SPON1: variants seen among roughly 807,000 people sequenced by gnomAD.
The protein encoded by SPON1 is spondin 1.
SPON1 carries 52 observed loss-of-function variants against 111.7 expected under a neutral mutation model. The observed-to-expected ratio is 0.47, with a 90% CI of 0.37 to 0.59. SPON1 has a LOEUF of 0.59. Ranked by LOEUF, SPON1 falls within the 20% of genes least tolerant of loss-of-function variation. The pLI is 0.00. For synonymous variants in SPON1, 410 were observed against 395.8 expected (o/e 1.04, Z -0.43); for missense variants, 957 against 1,068.5 (o/e 0.90, Z 1.46).
At chr11:14,211,930 G>A (rs570616036) in intron 6 of SPON1, among the ~76,000 whole-genome samples, 3 of 151,358 alleles carry the variant, frequency 2.0e-5, no homozygotes, top group Admixed American at 2.0e-4. Context: ...TTATTTTCAG[G>A]GGCCAATTTT....
chr11:14,175,514 A>G (rs1475735529), intron 6 of SPON1, among the ~76,000 whole-genome samples: 1 of 152,156 alleles, frequency 6.6e-6, no homozygotes, highest in Non-Finnish European at 1.5e-5. Flanking sequence ...TGTCTCCATT[A>G]CAGAACACAG....
At chr11:14,236,529 G>A (rs782046028) in intron 6 of SPON1, among the ~76,000 whole-genome samples, 11 of 152,274 alleles carry the variant, frequency 7.2e-5, no homozygotes, top group Non-Finnish European at 1.5e-4. Flanking sequence ...AGGCTAGTTT[G>A]CAATAGAAGA....
At chr11:14,020,303 G>A (rs568942685) in intron 2 of SPON1, among the ~76,000 whole-genome samples, 1 of 152,188 alleles carries the variant, frequency 6.6e-6, no homozygotes. Flanking sequence ...AGAGCTGGGG[G>A]AGAGGCAAGT....
intron 6 of SPON1, among the ~76,000 whole-genome samples, chr11:14,153,828 C>G (rs1338189258): frequency 6.6e-6 from 1 of 152,170 alleles, no homozygotes; most frequent in Admixed American, 6.5e-5. Flanking sequence ...TTCCAAGATA[C>G]AATGAGGGTA....
At chr11:14,128,903 A>T (rs1168529034) in intron 5 of SPON1, among the ~76,000 whole-genome samples, 3 of 152,236 alleles carry the variant, frequency 2.0e-5, no homozygotes, top group Non-Finnish European at 4.4e-5. Flanking sequence ...CTCTAAAGCA[A>T]TGGCTCGAGC....
chr11:14,091,152 C>T (rs1378922955), intron 5 of SPON1, among the ~76,000 whole-genome samples: 1 of 152,142 alleles, frequency 6.6e-6, no homozygotes, highest in Admixed American at 6.5e-5. Context: ...TCGATTGGTG[C>T]ACTCACAAAC....
intron 6 of SPON1, among the ~76,000 whole-genome samples, chr11:14,167,462 T>C (rs1848043263): frequency 6.6e-6 from 1 of 152,020 alleles, no homozygotes; most frequent in Non-Finnish European, 1.5e-5. Flanking sequence ...AATTTGTCTC[T>C]TCTCTCTCCT....
chr11:14,134,104 T>A (rs1847563476), intron 5 of SPON1, among the ~76,000 whole-genome samples: 1 of 151,446 alleles, frequency 6.6e-6, no homozygotes, highest in African/African-American at 2.4e-5. Context: ...GGGTGAAGAG[T>A]TCTGCCCACT....
chr11:14,004,868 A>G (rs1848347103), intron 2 of SPON1, among the ~76,000 whole-genome samples: 1 of 151,966 alleles, frequency 6.6e-6, no homozygotes, highest in African/African-American at 2.4e-5. Context: ...GTGCAGTGGC[A>G]TAATAATAGC....
chr11:14,097,488 G>A (rs762061684), intron 5 of SPON1, among the ~76,000 whole-genome samples: 22 of 152,068 alleles, frequency 1.4e-4, no homozygotes, highest in South Asian at 6.2e-4. Context: ...TTTTCATTAC[G>A]TTTTCTATCA....
intron 6 of SPON1, among the ~76,000 whole-genome samples, chr11:14,199,593 T>C (rs913981659): frequency 6.6e-6 from 1 of 152,186 alleles, no homozygotes; most frequent in Non-Finnish European, 1.5e-5. Flanking sequence ...CCATGTTCCA[T>C]ACTATAACTA....
At position 14,160,917 on chromosome 11, in the gene SPON1, T is replaced by TTATATATATTTA. The variant is rs797029036; in HGVS notation, c.825+25356_825+25357insATTTATATATAT. 9.6e-5 allele frequency among the ~76,000 whole-genome samples: 4 copies of TTATATATATTTA among 41,518 alleles called. 1 individual carries two copies. The highest frequency in any genetic ancestry group is 1.6e-4 in the Non-Finnish European group (4 of 25,526). The allele number at this position is 41,518 out of a possible 152,430, so 27.2% of individuals were successfully genotyped here. A position where few individuals can be genotyped will look rare whatever the true frequency, so the allele number is the denominator to read the frequency against. ...TATATTTATATATTTATATATATATTTATATATTTATATATTTATATATAT... is the reference window on the plus strand; with the variant it reads ...TATATTTATATATTTATATATATATTTATATATATTTATATATATTTATATATTTATATATAT... On this transcript the variant is annotated intron_variant, in intron 6 of 15. Coordinates refer to ENST00000576479, the MANE Select transcript of SPON1 (RefSeq NM_006108.4).
At chr11:14,248,736 C>A (rs1279233309) in intron 7 of SPON1, among the ~76,000 whole-genome samples, 1 of 152,160 alleles carries the variant, frequency 6.6e-6, no homozygotes, top group African/African-American at 2.4e-5. Context: ...TCCCTCGCCG[C>A]CCAGTGGAAA....
At position 13,968,435 on chromosome 11, in the gene SPON1, T is replaced by C. The variant is rs551588225; in HGVS notation, c.238+5293T>C. 2.0e-5 allele frequency among the ~76,000 whole-genome samples: 3 copies of C among 152,372 alleles called. No individual in the cohort carries two copies. The East Asian group carries it at 5.8e-4, about 29-fold the overall frequency. On this transcript the variant is annotated intron_variant, in intron 1 of 15. Transcript: ENST00000576479. ...GAAATGTGGCTATTCTGAATGGAGA[T>C]GTGCTGTAAGTATAAAATACACAAT...
chr11:14,098,499 G>A (rs1325216064), intron 5 of SPON1, among the ~76,000 whole-genome samples: 1 of 151,976 alleles, frequency 6.6e-6, no homozygotes, highest in Non-Finnish European at 1.5e-5. Context: ...TATATTTTTG[G>A]TATACATTTT....
chr11:13,997,290 T>C (rs1293323818), intron 2 of SPON1, among the ~76,000 whole-genome samples: 8 of 152,180 alleles, frequency 5.3e-5, no homozygotes, highest in African/African-American at 1.4e-4. Context: ...TTAGCTTTGC[T>C]ATTTAAAATA....
At chr11:14,024,290 G>C (rs571052243) in intron 2 of SPON1, among the ~76,000 whole-genome samples, 1 of 152,184 alleles carries the variant, frequency 6.6e-6, no homozygotes. Context: ...AGCTCAAGTA[G>C]ACCCTCTGCC....
intron 2 of SPON1, among the ~76,000 whole-genome samples, chr11:14,036,317 G>A (rs551139068): frequency 6.6e-6 from 1 of 152,358 alleles, no homozygotes; most frequent in East Asian, 1.9e-4. Context: ...TTAGTTCAGA[G>A]AAGAAATGAT....
chr11:14,090,327 C>CA (rs565949362), intron 5 of SPON1, among the ~76,000 whole-genome samples: 2 of 151,966 alleles, frequency 1.3e-5, no homozygotes, highest in Non-Finnish European at 2.9e-5. Context: ...CTGCGGATTG[C>CA]AAAAACTATG....
Sources: gnomAD v4.1 joint callset for allele counts (sites outside exome capture counted in the v4.1 genomes callset) on GRCh38, gnomAD v4.1.1 for gene constraint, MANE v1.5 for transcripts, NCBI Gene and HGNC (gene_info 2026-07-23, HGNC 2026-07-21) for gene names.